Variants in PRKX observed in about 807,000 individuals in gnomAD.
PRKX encodes the protein cAMP-dependent protein kinase catalytic subunit PRKX.
In PRKX, 12 loss-of-function variants were observed where a neutral mutation model predicts 22.0. That is an observed-to-expected ratio of 0.54 (90% CI 0.35 to 0.88). The LOEUF (loss-of-function observed/expected upper bound fraction) is 0.88. Ranked by LOEUF, PRKX falls within the 40% of genes least tolerant of loss-of-function variation. The pLI is 0.01. For synonymous variants in PRKX, 134 were observed against 137.7 expected (o/e 0.97, Z 0.19); for missense variants, 217 against 308.0 (o/e 0.70, Z 2.21).
chrX:3,675,280 G>A (rs1927929461), intron 1 of PRKX, among the ~76,000 whole-genome samples: 1 of 111,338 alleles, frequency 9.0e-6, no homozygotes, highest in Non-Finnish European at 1.9e-5. Context: ...TACGGAGTCC[G>A]TATTCTACAA....
chrX:3,662,770 A>T (rs1181121802), intron 2 of PRKX, among the ~76,000 whole-genome samples: 1 of 106,971 alleles, frequency 9.3e-6, no homozygotes, highest in African/African-American at 3.4e-5. Context: ...TACTTGAGAG[A>T]CAGAGGTAGC....
chrX:3,674,330 G>C (rs1415233144), intron 2 of PRKX, among the ~76,000 whole-genome samples: 1 of 111,919 alleles, frequency 8.9e-6, no homozygotes, highest in Non-Finnish European at 1.9e-5. Context: ...GAGATACTTG[G>C]TTCACCCAGG....
Position 3,650,547 on chromosome X carries a change from A to G in PRKX, c.599+4602T>C, listed in dbSNP as rs191944794. ...AAAAAAAAAAAAAAAAAAAGAGAGAAAAATGAGAAACAGACTTCTTTCTGG... is the reference window on the plus strand; with the variant it reads ...AAAAAAAAAAAAAAAAAAAGAGAGAGAAATGAGAAACAGACTTCTTTCTGG... On this transcript the variant is annotated intron_variant, in intron 3 of 8. Transcript: ENST00000262848. Among the ~76,000 whole-genome samples, 59 of 94,897 alleles carry G rather than the reference A, an allele frequency of 6.2e-4. No individual in the cohort carries two copies. In the South Asian group the frequency reaches 7.1e-3, roughly 11 times the overall value. The allele number at this position is 94,897 out of a possible 115,157, so 82.4% of individuals were successfully genotyped here.
intron 5 of PRKX, among the ~76,000 whole-genome samples, chrX:3,623,162 G>C (rs1169025292): frequency 9.2e-6 from 1 of 108,965 alleles, no homozygotes; most frequent in Non-Finnish European, 1.9e-5. Flanking sequence ...GTGTGTGTGT[G>C]TGTGTGTGTG....
chrX:3,652,493 A>T (rs1161274342), intron 3 of PRKX, among the ~76,000 whole-genome samples: 1 of 109,906 alleles, frequency 9.1e-6, no homozygotes, highest in Non-Finnish European at 1.9e-5. Context: ...CTGAGGCAGG[A>T]GAATCACTTG....
intron 1 of PRKX, among the ~76,000 whole-genome samples, chrX:3,677,169 C>A (rs995186696): frequency 1.5e-4 from 17 of 110,053 alleles, no homozygotes; most frequent in Non-Finnish European, 2.8e-4. Flanking sequence ...TTTAGTTGAA[C>A]AAGATAAACC....
At chrX:3,688,872 T>TAA (rs745658329) in intron 1 of PRKX, among the ~76,000 whole-genome samples, 8 of 90,916 alleles carry the variant, frequency 8.8e-5, no homozygotes, top group Non-Finnish European at 8.9e-5. Context: ...CCCATCTGTT[T>TAA]AAAAAAAAAA....
intron 4 of PRKX, among the ~76,000 whole-genome samples, chrX:3,627,213 C>A (rs1363349226): frequency 9.2e-6 from 1 of 109,063 alleles, no homozygotes; most frequent in Non-Finnish European, 1.9e-5. Flanking sequence ...GAAACCCCAT[C>A]TCTACTAAAA....
rs1444033311 is a variant in PRKX at position 3,605,552 on chromosome X, A to G, written c.*3417T>C. The G allele has an allele frequency of 1.8e-5, 2 of 113,091 alleles. No homozygotes were observed. Among genetic ancestry groups the G allele is most frequent in the Non-Finnish European group, 3.7e-5 (2 of 53,455 alleles). The allele number at this position is 113,091 out of a possible 1,213,427, so 9.3% of individuals were successfully genotyped here. A position where few individuals can be genotyped will look rare whatever the true frequency, so the allele number is the denominator to read the frequency against. ...GAATTAGAGGCCATGTAGGTCAAAC[A>G]CAGAAATGGCGAACACATCCCAAAC... On this transcript the variant is annotated 3_prime_UTR_variant, in exon 9 of 9. Coordinates refer to ENST00000262848, the MANE Select transcript of PRKX (RefSeq NM_005044.5).
chrX:3,644,234 CAAAAA>C (rs35016428), intron 3 of PRKX, among the ~76,000 whole-genome samples: 1 of 45,072 alleles, frequency 2.2e-5, no homozygotes. Context: ...CACTCCTTTA[CAAAAA>C]AAAAAAAAAA....
At chrX:3,641,292 C>T (rs1227306305) in intron 4 of PRKX, among the ~76,000 whole-genome samples, 2 of 111,756 alleles carry the variant, frequency 1.8e-5, no homozygotes, top group Non-Finnish European at 3.8e-5. Flanking sequence ...AACATATTCT[C>T]GCCTTCCTTG....
intron 1 of PRKX, among the ~76,000 whole-genome samples, chrX:3,682,970 AGAG>A (rs746466896): frequency 1.8e-5 from 2 of 109,844 alleles, no homozygotes; most frequent in Non-Finnish European, 3.8e-5. Flanking sequence ...ACACAGACAC[AGAG>A]GAGAAGGCCA....
intron 1 of PRKX, among the ~76,000 whole-genome samples, chrX:3,710,424 C>T (rs1456816449): frequency 9.8e-5 from 11 of 112,095 alleles, no homozygotes; most frequent in East Asian, 2.8e-4. Flanking sequence ...CAGGCTGGAG[C>T]GCAGTGGTGT....
chrX:3,699,105 C>T (rs1435859744), intron 1 of PRKX, among the ~76,000 whole-genome samples: 3 of 106,202 alleles, frequency 2.8e-5, no homozygotes, highest in African/African-American at 1.0e-4. Context: ...GGCACCATCT[C>T]GGTTCACTGC....
intron 2 of PRKX, among the ~76,000 whole-genome samples, chrX:3,665,118 G>A (rs893434218): frequency 8.9e-6 from 1 of 111,976 alleles, no homozygotes; most frequent in Non-Finnish European, 1.9e-5. Flanking sequence ...ATGCATATAT[G>A]TGTGCGTGCA....
At chrX:3,654,463 T>TTG (rs1555895134) in intron 3 of PRKX, among the ~76,000 whole-genome samples, 31 of 53,561 alleles carry the variant, frequency 5.8e-4, no homozygotes, top group African/African-American at 1.0e-3. Context: ...TTTGGTTTTT[T>TTG]TTTTTTTTTT....
chrX:3,692,545 T>TTTTA (rs1371958614), intron 1 of PRKX, among the ~76,000 whole-genome samples: 1 of 107,199 alleles, frequency 9.3e-6, no homozygotes, highest in African/African-American at 3.4e-5. Flanking sequence ...TTTTTTTTTT[T>TTTTA]GAGACGGAGT....
rs775763743 is a variant in PRKX, at chrX:3,617,744, T to G, written c.874-1852A>C. Among the ~76,000 whole-genome samples, 3 of 110,939 alleles carry G rather than the reference T, an allele frequency of 2.7e-5. No individual in the cohort carries two copies. In the East Asian group the frequency reaches 8.5e-4, roughly 32 times the overall value. On this transcript the variant is annotated intron_variant, in intron 6 of 8. Transcript: ENST00000262848. Reference sequence around the variant, plus strand: ...TCAACAATGGATGACATATACAGTGTTGCTCCTGTAAGATTATAATGATCT... The same window carrying G: ...TCAACAATGGATGACATATACAGTGGTGCTCCTGTAAGATTATAATGATCT...
At chrX:3,677,985 G>T (rs1927998999) in intron 1 of PRKX, among the ~76,000 whole-genome samples, 1 of 112,019 alleles carries the variant, frequency 8.9e-6, no homozygotes, top group African/African-American at 3.2e-5. Flanking sequence ...AGTACAACAT[G>T]GTGTGGACAA....
Sources: gnomAD v4.1 joint callset for allele counts (sites outside exome capture counted in the v4.1 genomes callset) on GRCh38, gnomAD v4.1.1 for gene constraint, MANE v1.5 for transcripts, NCBI Gene and HGNC (gene_info 2026-07-23, HGNC 2026-07-21) for gene names.